SPON1: variants seen among roughly 807,000 people sequenced by gnomAD.
The protein encoded by SPON1 is spondin-1.
SPON1 carries 52 observed loss-of-function variants against 111.7 expected under a neutral mutation model. The observed-to-expected ratio is 0.47, with a 90% CI of 0.37 to 0.59. The LOEUF (loss-of-function observed/expected upper bound fraction) is 0.59, where lower values mean the gene tolerates loss of function less well. Among genes scored for constraint, SPON1 ranks in the 20% least tolerant of loss-of-function variants. SPON1 has a pLI of 0.00. For missense variants in SPON1, 957 were observed against 1,068.5 expected (o/e 0.90, Z 1.46); for synonymous variants, 410 against 395.8 (o/e 1.04, Z -0.43).
intron 2 of SPON1, among the ~76,000 whole-genome samples, chr11:14,028,043 C>G (rs560138386): frequency 3.9e-5 from 6 of 152,296 alleles, no homozygotes; most frequent in African/African-American, 1.4e-4. Context: ...TGTGTTAAAT[C>G]CAGCGGTTAT....
chr11:14,224,766 C>G (rs112296278), intron 6 of SPON1: 1 of 498,398 alleles, frequency 2.0e-6, no homozygotes, highest in Non-Finnish European at 4.0e-6. Flanking sequence ...GATATGAGGC[C>G]GGAGAAGTAG....
chr11:14,174,096 T>A (rs1554932832), intron 6 of SPON1, among the ~76,000 whole-genome samples: 1 of 152,138 alleles, frequency 6.6e-6, no homozygotes, highest in Non-Finnish European at 1.5e-5. Flanking sequence ...CAAAGACAGT[T>A]CCCCAAAATT....
chr11:14,252,373 C>T (rs4756785), intron 7 of SPON1, among the ~76,000 whole-genome samples: 63,795 of 104,764 alleles, frequency 0.61, 15,493 homozygotes, highest in East Asian at 0.74. Context: ...AAGACCTGCG[C>T]AGAGTGTGGG....
In SPON1 at chr11:13,980,109, C is replaced by T. The variant is rs544394246; in HGVS notation, c.239-2738C>T. Among the ~76,000 whole-genome samples, 11 of 151,992 alleles carry T rather than the reference C, an allele frequency of 7.2e-5. 1 individual carries two copies. In the South Asian group the frequency reaches 2.3e-3, roughly 32 times the overall value. On this transcript the variant is annotated intron_variant, in intron 1 of 15. Coordinates refer to ENST00000576479, the MANE Select transcript of SPON1 (RefSeq NM_006108.4). The stretch of plus-strand genomic sequence containing the variant: ...AGGCTACAGTGCAGTGGTGCAATCT[C>T]GGCTCACTGCAACCTCTGCCTCCTG...
At chr11:13,964,693 G>T (rs1229560519) in intron 1 of SPON1, among the ~76,000 whole-genome samples, 2 of 152,186 alleles carry the variant, frequency 1.3e-5, no homozygotes, top group Non-Finnish European at 2.9e-5. Flanking sequence ...AGCCCGGGAG[G>T]GAGCGCGCGG....
intron 5 of SPON1, among the ~76,000 whole-genome samples, chr11:14,100,993 G>A (rs1428290801): frequency 6.6e-6 from 1 of 152,056 alleles, no homozygotes; most frequent in Non-Finnish European, 1.5e-5. Flanking sequence ...CTCTCTCTCT[G>A]TTTTGCTTTT....
At chr11:14,198,782 A>G (rs930827020) in intron 6 of SPON1, among the ~76,000 whole-genome samples, 2 of 152,248 alleles carry the variant, frequency 1.3e-5, no homozygotes, top group Non-Finnish European at 2.9e-5. Context: ...GTAACTTTGT[A>G]TAAACAAAAG....
chr11:14,037,351 A>G (rs1010429986), intron 2 of SPON1, among the ~76,000 whole-genome samples: 15 of 152,016 alleles, frequency 9.9e-5, no homozygotes, highest in African/African-American at 3.6e-4. Context: ...TGGGACCAAG[A>G]CAGTGTGGTA....
rs535744628 is a variant in SPON1, at chr11:14,040,079, G to A, written c.346-1442G>A. On this transcript the variant is annotated intron_variant, in intron 2 of 15. Coordinates refer to ENST00000576479, the MANE Select transcript of SPON1 (RefSeq NM_006108.4). ...CTAGTACATGGCTGATAGAATAAAA[G>A]GTATAGCTATTCTGCAGTACTTAGT... Among the ~76,000 whole-genome samples, 5 of 152,240 alleles carry A rather than the reference G, an allele frequency of 3.3e-5. No individual in the cohort carries two copies. The East Asian group carries it at 5.8e-4, about 18-fold the overall frequency.
intron 6 of SPON1, among the ~76,000 whole-genome samples, chr11:14,234,401 T>A (rs1848839459): frequency 6.6e-6 from 1 of 152,094 alleles, no homozygotes; most frequent in South Asian, 2.1e-4. Flanking sequence ...TGGGGGCTGG[T>A]GGGATGGGAG....
At chr11:13,966,039 G>A (rs1359686660) in intron 1 of SPON1, among the ~76,000 whole-genome samples, 4 of 152,086 alleles carry the variant, frequency 2.6e-5, no homozygotes, top group Non-Finnish European at 4.4e-5. Context: ...ACTCTAGACC[G>A]GAATAAAATG....
intron 2 of SPON1, among the ~76,000 whole-genome samples, chr11:13,995,176 A>G (rs1301003771): frequency 6.6e-6 from 1 of 152,198 alleles, no homozygotes; most frequent in Non-Finnish European, 1.5e-5. Flanking sequence ...AGTGTTACAT[A>G]GTGGACACTC....
chr11:14,251,137 C>T (rs146266732), intron 7 of SPON1, among the ~76,000 whole-genome samples: 7 of 152,290 alleles, frequency 4.6e-5, no homozygotes, highest in East Asian at 1.9e-4. Flanking sequence ...GGAAATACCT[C>T]CTCCAGGAAA....
At chr11:14,087,641 T>G (rs1468395797) in intron 5 of SPON1, among the ~76,000 whole-genome samples, 1 of 152,200 alleles carries the variant, frequency 6.6e-6, no homozygotes, top group Non-Finnish European at 1.5e-5. Flanking sequence ...GGTAGATAGT[T>G]CTGTAGTTCT....
At chr11:14,003,996 T>TA (rs1453102608) in intron 2 of SPON1, among the ~76,000 whole-genome samples, 1 of 152,242 alleles carries the variant, frequency 6.6e-6, no homozygotes, top group Non-Finnish European at 1.5e-5. Flanking sequence ...GCTCTTTTTT[T>TA]AAAAAAATGT....
chr11:14,048,032 G>A (rs926605641), intron 3 of SPON1, among the ~76,000 whole-genome samples: 1 of 152,188 alleles, frequency 6.6e-6, no homozygotes, highest in Non-Finnish European at 1.5e-5. Context: ...CTGAGGTCAG[G>A]AGTTTGAGAC....
At chr11:14,085,742 A>G (rs182881144) in intron 5 of SPON1, among the ~76,000 whole-genome samples, 30 of 152,272 alleles carry the variant, frequency 2.0e-4, no homozygotes, top group South Asian at 8.3e-4. Flanking sequence ...TTTGGGCAGT[A>G]TGGCCATTTT....
intron 2 of SPON1, among the ~76,000 whole-genome samples, chr11:13,983,841 C>T (rs1848162644): frequency 6.6e-6 from 1 of 152,172 alleles, no homozygotes; most frequent in Non-Finnish European, 1.5e-5. Flanking sequence ...AATACTTATA[C>T]CCATAGCTGG....
chr11:14,132,587 G>A (rs543891248), intron 5 of SPON1, among the ~76,000 whole-genome samples: 1 of 152,258 alleles, frequency 6.6e-6, no homozygotes, highest in South Asian at 2.1e-4. Flanking sequence ...CCCCCAGACT[G>A]TGAGTCCCTT....
Sources: gnomAD v4.1 joint callset for allele counts (sites outside exome capture counted in the v4.1 genomes callset) on GRCh38, gnomAD v4.1.1 for gene constraint, MANE v1.5 for transcripts, NCBI Gene and HGNC (gene_info 2026-07-23, HGNC 2026-07-21) for gene names.